INTS4: variants seen among roughly 807,000 people sequenced by gnomAD.
The protein encoded by INTS4 is integrator complex subunit 4, also known as MSTP093.
INTS4 carries 70 observed loss-of-function variants against 119.5 expected under a neutral mutation model. The observed-to-expected ratio is 0.59, with a 90% confidence interval of 0.48 to 0.71. The LOEUF is 0.71. Among genes scored for constraint, INTS4 ranks in the 30% least tolerant of loss-of-function variants. INTS4 has a pLI of 0.00. For missense variants in INTS4, 867 were observed against 1,173.2 expected, an observed-to-expected ratio of 0.74 and a Z score of 3.81; for synonymous variants, 316 against 419.6, an observed-to-expected ratio of 0.75 and a Z score of 3.02.
At chr11:77,978,425 C>A (rs554906135) in intron 4 of INTS4, 3 of 152,216 alleles carry the variant, frequency 2.0e-5, no homozygotes, top group South Asian at 4.2e-4. Context: ...TGTGTATACA[C>A]AAAGAGGCTA....
chr11:77,980,364 C>T (rs1856157304), intron 3 of INTS4, among the ~76,000 whole-genome samples: 1 of 149,406 alleles, frequency 6.7e-6, no homozygotes, highest in Non-Finnish European at 1.5e-5. Flanking sequence ...TGTTTTGGTG[C>T]TTGTATTTAT....
intron 10 of INTS4, among the ~76,000 whole-genome samples, chr11:77,929,442 T>C (rs1317093553): frequency 6.6e-6 from 1 of 152,230 alleles, no homozygotes; most frequent in East Asian, 1.9e-4. Flanking sequence ...CTACATTAAC[T>C]TCTTGAAAAT....
chr11:77,914,352 G>A (rs909026249), intron 15 of INTS4, among the ~76,000 whole-genome samples: 1 of 152,230 alleles, frequency 6.6e-6, no homozygotes, highest in Non-Finnish European at 1.5e-5. Flanking sequence ...ACTTGCTTTA[G>A]TGCCAACAGG....
chr11:77,898,890 T>C lies in INTS4; in HGVS notation c.2228+2531A>G, dbSNP rs1952648324. Among the ~76,000 whole-genome samples, 3 of 152,072 alleles carry C rather than the reference T, an allele frequency of 2.0e-5. No individual in the cohort carries two copies. In the South Asian group the frequency reaches 6.2e-4, roughly 31 times the overall value. On this transcript the variant is annotated intron_variant, in intron 18 of 22. Coordinates refer to ENST00000534064, the MANE Select transcript of INTS4 (RefSeq NM_033547.4). The stretch of plus-strand genomic sequence containing the variant: ...AAAAAATTAGCTGAGTGTGGTGACA[T>C]GTGCCTGTAGTCCCAGCTACTTGGG...
chr11:77,883,958 G>A lies in INTS4; in HGVS notation c.2593-6C>T. The A allele has an allele frequency of 3.1e-6, 5 of 1,612,012 alleles. No individual in the cohort carries two copies. The highest frequency in any genetic ancestry group is 4.2e-6 in the Non-Finnish European group (5 of 1,178,918). On this transcript the variant is annotated splice_region_variant and splice_polypyrimidine_tract_variant and intron_variant, in intron 21 of 22. Coordinates refer to ENST00000534064, the MANE Select transcript of INTS4 (RefSeq NM_033547.4). The stretch of plus-strand genomic sequence containing the variant: ...TGGCCATCTGGATATAAGACCTAAA[G>A]GGTGACAGAAATGAGAAAAAGGCAG...
At chr11:77,884,400 C>T (rs572329767) in intron 21 of INTS4, among the ~76,000 whole-genome samples, 7 of 152,254 alleles carry the variant, frequency 4.6e-5, no homozygotes, top group South Asian at 4.2e-4. Flanking sequence ...TCTCTCTCTA[C>T]GGAGAGACGG....
At chr11:77,877,885 C>T (rs1389323757), downstream of INTS4, among the ~76,000 whole-genome samples, 1 of 152,084 alleles carries the variant, frequency 6.6e-6, no homozygotes, top group African/African-American at 2.4e-5. Flanking sequence ...GCCCCCAGCC[C>T]CATGCCTAAA....
In INTS4 at chr11:77,902,580, C is replaced by T. The variant is rs1158024243; in HGVS notation, c.2097+960G>A. ...TAACCTTGCTGAGCCTTAACTGCCT[C>T]ATCTCTAAAACAGACTTAATACTTA... On this transcript the variant is annotated intron_variant, in intron 17 of 22. Transcript: ENST00000534064. Among the ~76,000 whole-genome samples, 4 of 152,186 alleles carry T rather than the reference C, an allele frequency of 2.6e-5. No homozygotes were observed. In the East Asian group the frequency reaches 7.7e-4, roughly 29 times the overall value.
At chr11:77,979,137 T>C in intron 3 of INTS4, 35 bp from the exon 4 acceptor site, 4 of 1,251,680 alleles carry the variant, frequency 3.2e-6, no homozygotes, top group Non-Finnish European at 3.5e-6. Flanking sequence ...CTTGTAGAAT[T>C]TCGAAAGGGG....
intron 6 of INTS4, among the ~76,000 whole-genome samples, chr11:77,959,585 T>C (rs1490854792): frequency 2.3e-4 from 35 of 152,054 alleles, no homozygotes; most frequent in Non-Finnish European, 5.0e-4. Context: ...TTCCTTTGAA[T>C]TATTTGGCTT....
intron 10 of INTS4, among the ~76,000 whole-genome samples, chr11:77,931,619 C>A (rs1440598053): frequency 6.6e-6 from 1 of 152,034 alleles, no homozygotes; most frequent in Non-Finnish European, 1.5e-5. Flanking sequence ...CAAAAAAGGG[C>A]CCACATAGCC....
intron 21 of INTS4, among the ~76,000 whole-genome samples, chr11:77,887,626 C>G (rs1952072705): frequency 6.6e-6 from 1 of 152,144 alleles, no homozygotes; most frequent in Non-Finnish European, 1.5e-5. Flanking sequence ...AAGAGGAAGT[C>G]AAATTGTCCC....
chr11:77,888,331 C>G (rs1401982333), intron 21 of INTS4, among the ~76,000 whole-genome samples: 1 of 152,140 alleles, frequency 6.6e-6, no homozygotes, highest in Non-Finnish European at 1.5e-5. Flanking sequence ...GGAAAGGATT[C>G]CCTATTTAAT....
At chr11:77,988,011 C>A (rs1856521998) in intron 2 of INTS4, among the ~76,000 whole-genome samples, 1 of 115,574 alleles carries the variant, frequency 8.7e-6, no homozygotes, top group South Asian at 2.4e-4. Context: ...TAAAAATTAG[C>A]CAGTCTCATA....
chr11:77,927,394 T>C (rs1369441910), intron 11 of INTS4, among the ~76,000 whole-genome samples: 1 of 152,194 alleles, frequency 6.6e-6, no homozygotes, highest in Non-Finnish European at 1.5e-5. Context: ...TTCTTTAAAG[T>C]ACGCAGTAGA....
chr11:77,970,533 AG>A (rs1188573519), intron 4 of INTS4, among the ~76,000 whole-genome samples: 1 of 151,914 alleles, frequency 6.6e-6, no homozygotes, highest in East Asian at 2.0e-4. Context: ...TGTTTTTGAA[AG>A]CAGCTGAGCG....
intron 9 of INTS4, among the ~76,000 whole-genome samples, chr11:77,940,463 G>A (rs558370409): frequency 6.6e-6 from 1 of 151,988 alleles, no homozygotes; most frequent in African/African-American, 2.4e-5. Context: ...CGTGGGGTTG[G>A]GGGTATTTTG....
chr11:77,932,268 A>G (rs960191302), intron 10 of INTS4, among the ~76,000 whole-genome samples: 7 of 152,098 alleles, frequency 4.6e-5, no homozygotes, highest in African/African-American at 7.2e-5. Context: ...AAAACAAAAA[A>G]CCATGACCCC....
At chr11:77,902,473 A>G (rs1463786344) in intron 17 of INTS4, among the ~76,000 whole-genome samples, 1 of 152,204 alleles carries the variant, frequency 6.6e-6, no homozygotes, top group African/African-American at 2.4e-5. Context: ...ACAAGAGTTC[A>G]GCACTGTAGT....
Sources: gnomAD v4.1 joint callset for allele counts (sites outside exome capture counted in the v4.1 genomes callset) on GRCh38, gnomAD v4.1.1 for gene constraint, MANE v1.5 for transcripts, NCBI Gene and HGNC (gene_info 2026-07-23, HGNC 2026-07-21) for gene names.